The following SPIDR variants were observed in gnomAD, a reference collection of about 807,000 sequenced individuals.
The protein encoded by SPIDR is scaffold protein involved in DNA repair.
Under a neutral mutation model 104.6 loss-of-function variants are expected in SPIDR, and 93 were observed. The observed-to-expected ratio is 0.89, with a 90% CI of 0.75 to 1.06. SPIDR has a LOEUF of 1.06. Among genes scored for constraint, SPIDR ranks in the 50% least tolerant of loss-of-function variants. The pLI is 0.00. For missense variants in SPIDR, 1,154 were observed against 1,111.2 expected (o/e 1.04, Z -0.55); for synonymous variants, 431 against 416.9 (o/e 1.03, Z -0.41).
intron 7 of SPIDR, among the ~76,000 whole-genome samples, chr8:47,431,720 A>C (rs1554689485): frequency 6.6e-6 from 1 of 152,132 alleles, no homozygotes; most frequent in African/African-American, 2.4e-5. Flanking sequence ...TCATGCTTAG[A>C]ATAATTGTGG....
intron 11 of SPIDR, among the ~76,000 whole-genome samples, chr8:47,685,505 A>ATTTTTTTTTTTTTTT (rs201735323): frequency 3.8e-5 from 4 of 104,428 alleles, no homozygotes; most frequent in South Asian, 2.7e-4. Flanking sequence ...TTATTTATTT[A>ATTTTTTTTTTTTTTT]TTTATTTATT....
intron 8 of SPIDR, among the ~76,000 whole-genome samples, chr8:47,479,952 C>G (rs1473029984): frequency 6.6e-6 from 1 of 152,142 alleles, no homozygotes; most frequent in East Asian, 1.9e-4. Flanking sequence ...ATGTTTTGAG[C>G]TTTAAATGAA....
At chr8:47,580,246 TA>T (rs2059574668) in intron 8 of SPIDR, among the ~76,000 whole-genome samples, 1 of 152,116 alleles carries the variant, frequency 6.6e-6, no homozygotes. Flanking sequence ...AGGTTTTGAG[TA>T]AGTAACACTA....
intron 8 of SPIDR, among the ~76,000 whole-genome samples, chr8:47,485,006 C>T (rs1198059416): frequency 6.6e-6 from 1 of 152,102 alleles, no homozygotes; most frequent in African/African-American, 2.4e-5. Flanking sequence ...GGGTACAGGA[C>T]AGTGGGTGCA....
At chr8:47,727,386 C>G in intron 17 of SPIDR, 93 bp downstream of exon 17, 6 of 1,157,762 alleles carry the variant, frequency 5.2e-6, no homozygotes, top group Non-Finnish European at 6.4e-6. Context: ...CCTCAGGTGA[C>G]TCCCTCGAGA....
Position 47,261,001 on chromosome 8 carries a change from G to A in SPIDR, c.33+10G>A. On this transcript the variant is annotated intron_variant, in intron 1 of 19. Transcript: ENST00000297423. Reference sequence around the variant, plus strand: ...CGCTCGGGGCTCTAAGGTAGGCTCTGGGGCGGGAGTGGGCGCCGCGCCGTT... The same window carrying A: ...CGCTCGGGGCTCTAAGGTAGGCTCTAGGGCGGGAGTGGGCGCCGCGCCGTT... 3.3e-6 allele frequency: 4 copies of A among 1,228,146 alleles called. No homozygotes were observed. The highest frequency in any genetic ancestry group is 6.4e-5 in the East Asian group (2 of 31,422). 76.1% of individuals were successfully genotyped at this position (1,228,146 alleles called of 1,614,324 possible).
At chr8:47,450,953 G>T (rs1370186459) in intron 8 of SPIDR, among the ~76,000 whole-genome samples, 9 of 152,326 alleles carry the variant, frequency 5.9e-5, no homozygotes, top group Middle Eastern at 3.4e-3. Context: ...GGGATAATTA[G>T]ATTCCCAGAG....
At chr8:47,647,089 A>G (rs941468934) in intron 10 of SPIDR, among the ~76,000 whole-genome samples, 2 of 152,208 alleles carry the variant, frequency 1.3e-5, no homozygotes, top group South Asian at 2.1e-4. Flanking sequence ...GTTGAATAAT[A>G]TGACATACAG....
At chr8:47,492,329 G>A (rs932145576) in intron 8 of SPIDR, among the ~76,000 whole-genome samples, 12 of 152,090 alleles carry the variant, frequency 7.9e-5, no homozygotes, top group African/African-American at 2.4e-4. Flanking sequence ...CTGGCAAGCA[G>A]GCAGGCTTCT....
At chr8:47,685,501 A>ATTTTTTTTTTTTTTTTTTTTTT (rs1326028640) in intron 11 of SPIDR, among the ~76,000 whole-genome samples, 1 of 110,294 alleles carries the variant, frequency 9.1e-6, no homozygotes, top group Non-Finnish European at 2.2e-5. Context: ...TTATTTATTT[A>ATTTTTTTTTTTTTTTTTTTTTT]TTTATTTATT....
intron 8 of SPIDR, among the ~76,000 whole-genome samples, chr8:47,589,904 A>AC (rs1277417825): frequency 1.3e-5 from 2 of 151,884 alleles, no homozygotes; most frequent in African/African-American, 2.4e-5. Context: ...ACGGTGACTC[A>AC]CCCCTGTAAT....
At chr8:47,533,240 A>T (rs1484599472) in intron 8 of SPIDR, among the ~76,000 whole-genome samples, 1 of 152,174 alleles carries the variant, frequency 6.6e-6, no homozygotes, top group Non-Finnish European at 1.5e-5. Flanking sequence ...AATTTTTACC[A>T]ATAATTAATA....
chr8:47,475,039 G>C (rs1161362145), intron 8 of SPIDR, among the ~76,000 whole-genome samples: 1 of 152,318 alleles, frequency 6.6e-6, no homozygotes, highest in Non-Finnish European at 1.5e-5. Flanking sequence ...TGGTGAAGCA[G>C]CTTGATGTTC....
intron 10 of SPIDR, among the ~76,000 whole-genome samples, chr8:47,645,673 T>G (rs2070200885): frequency 1.3e-5 from 2 of 152,068 alleles, no homozygotes; most frequent in Non-Finnish European, 2.9e-5. Flanking sequence ...CACCTTAAAG[T>G]AGTAGATAAA....
intron 16 of SPIDR, among the ~76,000 whole-genome samples, chr8:47,720,859 G>A (rs2083296649): frequency 6.6e-6 from 1 of 152,020 alleles, no homozygotes; most frequent in South Asian, 2.1e-4. Context: ...GCTGGTTCAA[G>A]CAATTCTCCT....
intron 5 of SPIDR, among the ~76,000 whole-genome samples, chr8:47,368,383 A>G (rs1043351558): frequency 2.4e-4 from 31 of 128,288 alleles, no homozygotes; most frequent in African/African-American, 8.9e-4. Flanking sequence ...AAAAAAAAAA[A>G]AGGATTTTGC....
At chr8:47,282,769 G>A (rs914814632) in intron 2 of SPIDR, among the ~76,000 whole-genome samples, 146 of 152,164 alleles carry the variant, frequency 9.6e-4, no homozygotes, top group African/African-American at 3.5e-3. Context: ...TGGCTTAACG[G>A]TTTGGCTCAA....
At chr8:47,650,847 TA>T (rs1301976620) in intron 10 of SPIDR, among the ~76,000 whole-genome samples, 23 of 152,196 alleles carry the variant, frequency 1.5e-4, no homozygotes, top group Admixed American at 1.0e-3. Context: ...AAACATAGAT[TA>T]GGGGAAGGAC....
intron 8 of SPIDR, among the ~76,000 whole-genome samples, chr8:47,477,205 A>AT (rs558143785): frequency 0.11 from 15,654 of 147,676 alleles, 1,168 homozygotes; most frequent in African/African-American, 0.21. Flanking sequence ...TGCGCAATAT[A>AT]TTTTTTTTTT....
Sources: allele counts gnomAD v4.1 joint callset (sites outside exome capture counted in the v4.1 genomes callset), GRCh38; gene constraint gnomAD v4.1.1; transcripts MANE v1.5; gene names NCBI Gene and HGNC (gene_info 2026-07-23, HGNC 2026-07-21).